The following NAMPT variants were observed in gnomAD, a reference collection of about 807,000 sequenced individuals.
NAMPT encodes the protein nicotinamide phosphoribosyltransferase, also known as NAmPRTase.
Under a neutral mutation model 58.7 loss-of-function variants are expected in NAMPT, and 7 were observed. That is an observed-to-expected ratio of 0.12 (90% CI 0.07 to 0.22). The LOEUF (loss-of-function observed/expected upper bound fraction) is 0.22. NAMPT is among the 10% of genes least tolerant of loss of function. NAMPT has a pLI of 1.00. For synonymous variants in NAMPT, 145 were observed against 198.1 expected (o/e 0.73, Z 2.25); for missense variants, 271 against 567.9 (o/e 0.48, Z 5.31).
At chr7:106,269,111 A>G (rs769662536) in intron 5 of NAMPT, 43 bp downstream of exon 5, 1 of 1,558,188 alleles carries the variant, frequency 6.4e-7, no homozygotes. Flanking sequence ...ACTCTAACCA[A>G]CAATCCACAT....
intron 7 of NAMPT, 62 bp from the exon 8 acceptor site, chr7:106,261,769 T>C (rs1247884950): frequency 2.8e-5 from 42 of 1,500,588 alleles, no homozygotes; most frequent in African/African-American, 7.0e-5. Context: ...ATAAGAGCTT[T>C]TCAAAGTTAA....
intron 1 of NAMPT, chr7:106,284,386 G>GC (rs1167112347): frequency 6.6e-6 from 1 of 151,362 alleles, no homozygotes; most frequent in Non-Finnish European, 1.5e-5. Context: ...CTGGCCCGGG[G>GC]GAAAGCCCCG....
intron 1 of NAMPT, among the ~76,000 whole-genome samples, chr7:106,278,477 C>A (rs1562819297): frequency 6.6e-6 from 1 of 152,178 alleles, no homozygotes; most frequent in East Asian, 1.9e-4. Flanking sequence ...ACAGGGAAGA[C>A]TCATCAAAAG....
At chr7:106,272,084 G>A in intron 4 of NAMPT, 1 of 381,764 alleles carries the variant, frequency 2.6e-6, no homozygotes, top group Admixed American at 4.1e-5. Flanking sequence ...AAAAGTAACA[G>A]ATGGTAGATC....
Position 106,248,859 on chromosome 7 carries a change from G to A in NAMPT, c.*2224C>T, listed in dbSNP as rs1156276362. Reference sequence around the variant, plus strand: ...GCCAAATACCAAGTGCTTAGTGACAGAAAGTCAGAATTAATCAGTTCCAAG... The same window carrying A: ...GCCAAATACCAAGTGCTTAGTGACAAAAAGTCAGAATTAATCAGTTCCAAG... On this transcript the variant is annotated 3_prime_UTR_variant, in exon 11 of 11. Transcript: ENST00000222553. The A allele has an allele frequency of 6.6e-6, 1 of 152,100 alleles. No homozygotes were observed. The highest frequency in any genetic ancestry group is 2.4e-5 in the African/African-American group (1 of 41,450). 9.4% of individuals were successfully genotyped at this position (152,100 alleles called of 1,614,324 possible). A position where few individuals can be genotyped will look rare whatever the true frequency, so the allele number is the denominator to read the frequency against.
In NAMPT at chr7:106,259,613, C is replaced by T. The variant is rs188623341; in HGVS notation, c.1089+1975G>A. On this transcript the variant is annotated intron_variant, in intron 8 of 10. Transcript: ENST00000222553. Reference sequence around the variant, plus strand: ...CTAATTTTTGTATTTTTAGTAGAGACGGGGTTTCACCACGTTGGCCAGGAT... The same window carrying T: ...CTAATTTTTGTATTTTTAGTAGAGATGGGGTTTCACCACGTTGGCCAGGAT... 6.6e-5 allele frequency among the ~76,000 whole-genome samples: 10 copies of T among 152,040 alleles called. No homozygotes were observed. In the East Asian group the frequency reaches 1.6e-3, roughly 24 times the overall value.
chr7:106,267,774 G>T (rs1469599781), intron 6 of NAMPT, among the ~76,000 whole-genome samples: 1 of 134,860 alleles, frequency 7.4e-6, no homozygotes, highest in Non-Finnish European at 1.6e-5. Context: ...CTGGGAGGCG[G>T]AGCTTGCAGT....
chr7:106,277,102 T>C lies in NAMPT; in HGVS notation c.135A>G (p.Glu45=), dbSNP rs755648315. ...SYFECREKKT[E]NSKLRKVKYE... ...ATTTCACCTTCCTTAATTTGGAGTTTTCTGTCTTCTTTTCACGGCATTCAA... is the reference window on the plus strand; with the variant it reads ...ATTTCACCTTCCTTAATTTGGAGTTCTCTGTCTTCTTTTCACGGCATTCAA... The change falls in exon 2 of 11, where the codon GAA becomes GAG. Residue 45 remains glutamate (E), a synonymous_variant. Coordinates refer to ENST00000222553, the MANE Select transcript of NAMPT (RefSeq NM_005746.3). 4 of 1,609,182 alleles carry C rather than the reference T, an allele frequency of 2.5e-6. No homozygotes were observed. Among genetic ancestry groups the C allele is most frequent in the Middle Eastern group, 3.3e-4 (2 of 6,050 alleles).
intron 1 of NAMPT, among the ~76,000 whole-genome samples, chr7:106,277,382 G>A (rs542145630): frequency 2.3e-4 from 35 of 152,222 alleles, no homozygotes; most frequent in African/African-American, 7.9e-4. Flanking sequence ...ACAGGAGAGC[G>A]TTAAATTTTA....
chr7:106,263,631 T>A lies in NAMPT; in HGVS notation c.744-14A>T. ...GCTGTTATGGTACTAGAAAAAAAAA[T>A]GAAAACACAGATTTACTTAGGCAGA... On this transcript the variant is annotated splice_polypyrimidine_tract_variant and intron_variant, in intron 6 of 10. Transcript: ENST00000222553. 3 of 1,579,674 alleles carry A rather than the reference T, an allele frequency of 1.9e-6. No homozygotes were observed. The highest frequency in any genetic ancestry group is 2.6e-6 in the Non-Finnish European group (3 of 1,149,578).
intron 10 of NAMPT, among the ~76,000 whole-genome samples, chr7:106,251,722 T>C (rs539736858): frequency 3.5e-4 from 53 of 152,224 alleles, no homozygotes; most frequent in Admixed American, 7.9e-4. Flanking sequence ...AAAACAAGTA[T>C]TGCATTCTTG....
At chr7:106,285,334 G>C (rs190153012), upstream of NAMPT, 149 of 489,712 alleles carry the variant, frequency 3.0e-4, 1 homozygote, top group East Asian at 8.2e-3. Context: ...TCGAGTTCCC[G>C]GCACGGGCGC....
chr7:106,256,887 T>C (rs1792210823), intron 8 of NAMPT, among the ~76,000 whole-genome samples: 1 of 152,170 alleles, frequency 6.6e-6, no homozygotes, highest in Non-Finnish European at 1.5e-5. Flanking sequence ...TTTAAAGGTA[T>C]TTTTCTGGCC....
intron 5 of NAMPT, 96 bp from the exon 6 acceptor site, chr7:106,268,696 G>T: frequency 1.2e-6 from 1 of 815,938 alleles, no homozygotes; most frequent in Non-Finnish European, 2.1e-6. Context: ...ATATAGCATA[G>T]CTCCCATAAG....
chr7:106,256,660 T>A (rs1586012129), intron 8 of NAMPT, among the ~76,000 whole-genome samples: 1 of 152,048 alleles, frequency 6.6e-6, no homozygotes, highest in Non-Finnish European at 1.5e-5. Flanking sequence ...ATAAAATAGG[T>A]TTTGTGTTAG....
chr7:106,257,873 C>T (rs373690771), intron 8 of NAMPT, among the ~76,000 whole-genome samples: 1 of 146,542 alleles, frequency 6.8e-6, no homozygotes, highest in South Asian at 2.3e-4. Context: ...CTGCCATGTT[C>T]TTTCACCTGC....
chr7:106,267,044 C>T (rs1017775678), intron 6 of NAMPT, among the ~76,000 whole-genome samples: 16 of 152,174 alleles, frequency 1.1e-4, no homozygotes, highest in Non-Finnish European at 1.6e-4. Flanking sequence ...CATCACAATG[C>T]TTGATACAAG....
In NAMPT at chr7:106,249,161, C is replaced by T. The variant is rs774806042; in HGVS notation, c.*1922G>A. The stretch of plus-strand genomic sequence containing the variant: ...GTGTGTTTTTCTTAATACTACTCAT[C>T]TTTACTCAAATACATTAAAAAATCA... On this transcript the variant is annotated 3_prime_UTR_variant, in exon 11 of 11. Transcript: ENST00000222553. 8.5e-5 allele frequency: 13 copies of T among 152,400 alleles called. No individual in the cohort carries two copies. Among genetic ancestry groups the T allele is most frequent in the Non-Finnish European group, 1.8e-4 (12 of 67,968 alleles). The allele number at this position is 152,400 out of a possible 1,614,324, so 9.4% of individuals were successfully genotyped here.
intron 1 of NAMPT, among the ~76,000 whole-genome samples, chr7:106,279,548 C>A (rs940824325): frequency 2.6e-5 from 4 of 152,208 alleles, no homozygotes; most frequent in Non-Finnish European, 5.9e-5. Context: ...AGCTTACTGT[C>A]CTCTTCATTT....
Sources: allele counts gnomAD v4.1 joint callset (sites outside exome capture counted in the v4.1 genomes callset), GRCh38; gene constraint gnomAD v4.1.1; transcripts MANE v1.5; gene names NCBI Gene and HGNC (gene_info 2026-07-23, HGNC 2026-07-21).